PKIB: variants seen among roughly 807,000 people sequenced by gnomAD.
PKIB encodes cAMP-dependent protein kinase inhibitor beta, also known as PKI-beta.
A neutral mutation model predicts 4.5 loss-of-function variants in PKIB; 2 were observed. That is an observed-to-expected ratio of 0.44 (90% CI 0.18 to 1.39). The LOEUF (loss-of-function observed/expected upper bound fraction) is 1.39. Among genes scored for constraint, PKIB ranks in the 40% most tolerant of loss-of-function variants. The pLI is 0.27. For missense variants in PKIB, 94 were observed against 92.6 expected, an observed-to-expected ratio of 1.02 and a Z score of -0.06; for synonymous variants, 38 against 36.0, an observed-to-expected ratio of 1.06 and a Z score of -0.20.
intron 1 of PKIB, among the ~76,000 whole-genome samples, chr6:122,622,251 T>C (rs1200091532): frequency 6.6e-6 from 1 of 152,230 alleles, no homozygotes; most frequent in Admixed American, 6.5e-5. Flanking sequence ...AGCAAAATTC[T>C]ATAAAATTAT....
intron 1 of PKIB, among the ~76,000 whole-genome samples, chr6:122,620,066 AT>A (rs1460083796): frequency 6.6e-6 from 1 of 152,032 alleles, no homozygotes; most frequent in Non-Finnish European, 1.5e-5. Flanking sequence ...CATTCCCTTC[AT>A]GCCCCCATAT....
chr6:122,705,587 G>C (rs1249649300), intron 3 of PKIB, among the ~76,000 whole-genome samples: 1 of 93,436 alleles, frequency 1.1e-5, no homozygotes, highest in Non-Finnish European at 2.2e-5. Flanking sequence ...TTTTTTTTGA[G>C]ACGGAGTCTT....
chr6:122,524,000 C>T (rs1777024132), intron 2 of PKIB, among the ~76,000 whole-genome samples: 1 of 152,062 alleles, frequency 6.6e-6, no homozygotes, highest in Non-Finnish European at 1.5e-5. Flanking sequence ...GGTGTATACC[C>T]CTTTTAATGT....
At chr6:122,593,213 A>C (rs879534716) in intron 3 of PKIB, among the ~76,000 whole-genome samples, 1 of 152,204 alleles carries the variant, frequency 6.6e-6, no homozygotes. Flanking sequence ...GAATTTCTTT[A>C]TGTACCTGTG....
At chr6:122,473,518 A>G (rs931761068) in intron 1 of PKIB, among the ~76,000 whole-genome samples, 3 of 152,142 alleles carry the variant, frequency 2.0e-5, no homozygotes, top group African/African-American at 7.2e-5. Flanking sequence ...CTTTTATTTA[A>G]CCTGTAGGCT....
chr6:122,549,821 A>G lies in PKIB; in HGVS notation c.-247-36100A>G, dbSNP rs1772616354. On this transcript the variant is annotated intron_variant, in intron 2 of 6. Transcript: ENST00000392491. The stretch of plus-strand genomic sequence containing the variant: ...ATGTTACCATATTTCTAAATAGTAT[A>G]TATATATAAAATATATATGTATATA... Among the ~76,000 whole-genome samples, 4 of 148,180 alleles carry G rather than the reference A, an allele frequency of 2.7e-5. No homozygotes were observed. The Admixed American group carries it at 2.7e-4, about 10-fold the overall frequency.
In PKIB at chr6:122,627,070, T is replaced by TA. The variant is rs60344840; in HGVS notation, c.-160-6190dup. On this transcript the variant is annotated intron_variant, in intron 1 of 4. Transcript: ENST00000368452. Reference sequence around the variant, plus strand: ...TAACACGGTGAAACCCCGTCTCTACTAAAAAAAAAAAAAAAAAAAAAAATT... The same window carrying TA: ...TAACACGGTGAAACCCCGTCTCTACTAAAAAAAAAAAAAAAAAAAAAAAATT... Among the ~76,000 whole-genome samples the TA allele has an allele frequency of 4.5e-3, 485 of 108,296 alleles. 2 individuals carry two copies. Among genetic ancestry groups the TA allele is most frequent in the African/African-American group, 0.016 (435 of 27,712 alleles). The allele number at this position is 108,296 out of a possible 152,430, so 71.0% of individuals were successfully genotyped here. A position where few individuals can be genotyped will look rare whatever the true frequency, so the allele number is the denominator to read the frequency against.
intron 2 of PKIB, among the ~76,000 whole-genome samples, chr6:122,508,971 G>C (rs1776505711): frequency 6.6e-6 from 1 of 152,116 alleles, no homozygotes; most frequent in Admixed American, 6.5e-5. Context: ...GGATGGTCTT[G>C]ATCTCCTGAC....
At chr6:122,486,219 T>G (rs1562225371) in intron 2 of PKIB, among the ~76,000 whole-genome samples, 1 of 152,206 alleles carries the variant, frequency 6.6e-6, no homozygotes, top group Non-Finnish European at 1.5e-5. Context: ...ATTGAAAAAG[T>G]CTTGAGTCCA....
intron 2 of PKIB, among the ~76,000 whole-genome samples, chr6:122,666,534 G>C (rs559062178): frequency 6.6e-6 from 1 of 152,196 alleles, no homozygotes. Context: ...GTCACTTTCT[G>C]GTGGATACGC....
intron 2 of PKIB, among the ~76,000 whole-genome samples, chr6:122,634,164 C>T (rs544773481): frequency 3.2e-4 from 48 of 152,028 alleles, no homozygotes; most frequent in African/African-American, 1.0e-3. Context: ...ACAATGAGAA[C>T]ACATGGACAT....
At chr6:122,642,580 C>A (rs1272674744) in intron 2 of PKIB, among the ~76,000 whole-genome samples, 1 of 152,112 alleles carries the variant, frequency 6.6e-6, no homozygotes, top group East Asian at 1.9e-4. Flanking sequence ...TCACTCTATC[C>A]CATTTGTCCC....
At chr6:122,664,034 T>C (rs930422888) in intron 2 of PKIB, among the ~76,000 whole-genome samples, 16 of 152,206 alleles carry the variant, frequency 1.1e-4, no homozygotes, top group African/African-American at 3.9e-4. Context: ...AGGATGTGGA[T>C]ATTCTCATAT....
chr6:122,593,038 A>G (rs184300079), intron 3 of PKIB, among the ~76,000 whole-genome samples: 2 of 152,308 alleles, frequency 1.3e-5, no homozygotes, highest in African/African-American at 4.8e-5. Flanking sequence ...CTAAACATTC[A>G]CAGACTAAAG....
chr6:122,485,207 A>G (rs1425016379), intron 2 of PKIB, among the ~76,000 whole-genome samples: 3 of 150,630 alleles, frequency 2.0e-5, no homozygotes, highest in Non-Finnish European at 3.0e-5. Context: ...CAACAAAAAT[A>G]TTCTTTTTTT....
intron 4 of PKIB, among the ~76,000 whole-genome samples, chr6:122,720,175 C>G (rs1779681592): frequency 6.6e-6 from 1 of 151,976 alleles, no homozygotes; most frequent in African/African-American, 2.4e-5. Context: ...CAGATCTATC[C>G]TTTGTTTTTA....
intron 2 of PKIB, among the ~76,000 whole-genome samples, chr6:122,560,976 T>A (rs1562251693): frequency 6.6e-6 from 1 of 152,090 alleles, no homozygotes; most frequent in Non-Finnish European, 1.5e-5. Flanking sequence ...ATTTTATTTA[T>A]CTTTTCAAAG....
intron 3 of PKIB, among the ~76,000 whole-genome samples, chr6:122,715,918 C>T (rs1438757483): frequency 1.3e-5 from 2 of 151,948 alleles, no homozygotes; most frequent in Non-Finnish European, 1.5e-5. Flanking sequence ...TTAAATGAGT[C>T]GCTTAACCTC....
intron 1 of PKIB, among the ~76,000 whole-genome samples, chr6:122,612,045 A>G (rs572455395): frequency 2.0e-5 from 3 of 152,186 alleles, no homozygotes; most frequent in Non-Finnish European, 4.4e-5. Context: ...TCAAAGACTA[A>G]TGGACCACAT....
Sources: gnomAD v4.1 joint callset for allele counts (sites outside exome capture counted in the v4.1 genomes callset) on GRCh38, gnomAD v4.1.1 for gene constraint, MANE v1.5 for transcripts, NCBI Gene and HGNC (gene_info 2026-07-23, HGNC 2026-07-21) for gene names.